KCTD8: variants seen among roughly 807,000 people sequenced by gnomAD.
KCTD8 encodes the protein potassium channel tetramerization domain containing 8, also known as BTB/POZ domain-containing protein KCTD8.
Under a neutral mutation model 31.5 loss-of-function variants are expected in KCTD8, and 27 were observed. The ratio of observed to expected loss-of-function variants is 0.86; its 90% confidence interval spans 0.63 to 1.18. The LOEUF (loss-of-function observed/expected upper bound fraction) is 1.18, where lower values mean the gene tolerates loss of function less well. Ranked by LOEUF, KCTD8 falls within the 50% of genes most tolerant of loss-of-function variation. The pLI, the probability that KCTD8 is intolerant of heterozygous loss-of-function variation, is 0.00. For synonymous variants in KCTD8, 290 were observed against 280.0 expected (o/e 1.04, Z -0.36); for missense variants, 658 against 647.7 (o/e 1.02, Z -0.17).
At position 44,293,734 on chromosome 4, in the gene KCTD8, G is replaced by A. The variant is rs553479851; in HGVS notation, c.962-118484C>T. ...ACCTTGTAAACACTGGCCAAAAAATGGAAAAAGTTGTTGAAAATATTGAAA... is the reference window on the plus strand; with the variant it reads ...ACCTTGTAAACACTGGCCAAAAAATAGAAAAAGTTGTTGAAAATATTGAAA... On this transcript the variant is annotated intron_variant, in intron 1 of 1. Coordinates refer to ENST00000360029, the MANE Select transcript of KCTD8 (RefSeq NM_198353.3). 11 of 433,922 alleles carry A rather than the reference G, an allele frequency of 2.5e-5. 1 individual carries two copies. The highest frequency in any genetic ancestry group is 1.5e-4 in the South Asian group (9 of 59,762). 26.9% of individuals were successfully genotyped at this position (433,922 alleles called of 1,614,324 possible).
At position 44,320,170 on chromosome 4, in the gene KCTD8, C is replaced by CAAAAAAAAAA. The variant is rs35250421; in HGVS notation, c.961+127383_961+127392dup. Among the ~76,000 whole-genome samples, 9 of 31,916 alleles carry CAAAAAAAAAA rather than the reference C, an allele frequency of 2.8e-4. 1 individual carries two copies. Among genetic ancestry groups the CAAAAAAAAAA allele is most frequent in the African/African-American group, 4.1e-4 (3 of 7,378 alleles). The allele number at this position is 31,916 out of a possible 152,430, so 20.9% of individuals were successfully genotyped here. A position where few individuals can be genotyped will look rare whatever the true frequency, so the allele number is the denominator to read the frequency against. ...TGGGTGACAGAGCAAGCCTCCATCT[C>CAAAAAAAAAA]AAAAAAAAAAAAAAAAAAAAAAAAA... On this transcript the variant is annotated intron_variant, in intron 1 of 1. Coordinates refer to ENST00000360029, the MANE Select transcript of KCTD8 (RefSeq NM_198353.3).
chr4:44,347,077 G>T (rs1033683687), intron 1 of KCTD8, among the ~76,000 whole-genome samples: 7 of 152,194 alleles, frequency 4.6e-5, no homozygotes, highest in South Asian at 2.1e-4. Context: ...ATGGTTGGGG[G>T]TGTAAGCAGA....
chr4:44,176,802 C>T (rs1040862273), intron 1 of KCTD8, among the ~76,000 whole-genome samples: 1 of 152,004 alleles, frequency 6.6e-6, no homozygotes, highest in Non-Finnish European at 1.5e-5. Context: ...CCTTGACTAA[C>T]CTGACTCCCC....
At chr4:44,277,428 A>T (rs1716782219) in intron 1 of KCTD8, among the ~76,000 whole-genome samples, 1 of 151,872 alleles carries the variant, frequency 6.6e-6, no homozygotes, top group African/African-American at 2.4e-5. Flanking sequence ...ACAGTACACT[A>T]ACAGTACACT....
At chr4:44,211,374 T>C (rs1714479658) in intron 1 of KCTD8, among the ~76,000 whole-genome samples, 1 of 152,220 alleles carries the variant, frequency 6.6e-6, no homozygotes, top group Non-Finnish European at 1.5e-5. Flanking sequence ...TACATAAACA[T>C]GAACACATAT....
At chr4:44,268,345 C>A (rs867084848) in intron 1 of KCTD8, among the ~76,000 whole-genome samples, 76 of 151,676 alleles carry the variant, frequency 5.0e-4, no homozygotes, top group Admixed American at 3.9e-3. Context: ...ATTCAACAAC[C>A]CTTCATGCTA....
chr4:44,358,804 C>A (rs1030638726), intron 1 of KCTD8, among the ~76,000 whole-genome samples: 1 of 152,128 alleles, frequency 6.6e-6, no homozygotes, highest in Admixed American at 6.5e-5. Context: ...CTCCTGACCT[C>A]ATGATCCACC....
chr4:44,408,323 A>C (rs1357887122), intron 1 of KCTD8, among the ~76,000 whole-genome samples: 2 of 152,186 alleles, frequency 1.3e-5, no homozygotes, highest in Non-Finnish European at 2.9e-5. Flanking sequence ...TAAAATTATC[A>C]CTTTGACTCA....
At chr4:44,344,417 C>T (rs1205565779) in intron 1 of KCTD8, among the ~76,000 whole-genome samples, 1 of 152,082 alleles carries the variant, frequency 6.6e-6, no homozygotes, top group Non-Finnish European at 1.5e-5. Flanking sequence ...AACTCCTGGC[C>T]TCAAGTAATC....
chr4:44,257,163 G>A (rs541640607), intron 1 of KCTD8, among the ~76,000 whole-genome samples: 40 of 151,804 alleles, frequency 2.6e-4, no homozygotes, highest in Non-Finnish European at 5.0e-4. Flanking sequence ...TTTGGGTTAT[G>A]GTTATATGAA....
intron 1 of KCTD8, among the ~76,000 whole-genome samples, chr4:44,246,655 C>T (rs1296527176): frequency 6.6e-6 from 1 of 151,958 alleles, no homozygotes; most frequent in Admixed American, 6.6e-5. Flanking sequence ...GCCATCAATC[C>T]TTGATGCCTT....
intron 1 of KCTD8, among the ~76,000 whole-genome samples, chr4:44,223,639 G>A (rs1714869115): frequency 6.6e-6 from 1 of 152,162 alleles, no homozygotes; most frequent in Non-Finnish European, 1.5e-5. Flanking sequence ...CAGAGTAAAA[G>A]GTATGTCAAT....
intron 1 of KCTD8, among the ~76,000 whole-genome samples, chr4:44,186,366 T>C (rs535908332): frequency 6.6e-6 from 1 of 152,322 alleles, no homozygotes; most frequent in East Asian, 1.9e-4. Context: ...TGCAGAGAGC[T>C]ACTTCCAACA....
At chr4:44,273,073 G>A (rs1716658045) in intron 1 of KCTD8, among the ~76,000 whole-genome samples, 1 of 151,712 alleles carries the variant, frequency 6.6e-6, no homozygotes, top group Non-Finnish European at 1.5e-5. Context: ...AAGAATAAAA[G>A]GTGAATCACA....
intron 1 of KCTD8, among the ~76,000 whole-genome samples, chr4:44,340,682 T>C (rs1718875413): frequency 6.6e-6 from 1 of 152,032 alleles, no homozygotes; most frequent in Middle Eastern, 3.2e-3. Flanking sequence ...TACTGAGCAA[T>C]AATAATAACT....
intron 1 of KCTD8, among the ~76,000 whole-genome samples, chr4:44,264,025 T>C (rs1330906645): frequency 1.3e-5 from 2 of 152,228 alleles, no homozygotes; most frequent in Non-Finnish European, 2.9e-5. Flanking sequence ...GTAAGTTATC[T>C]CCTTTTGCCT....
At chr4:44,395,948 A>G (rs1190696703) in intron 1 of KCTD8, among the ~76,000 whole-genome samples, 1 of 152,102 alleles carries the variant, frequency 6.6e-6, no homozygotes, top group African/African-American at 2.4e-5. Context: ...TGATTCAAGT[A>G]CATTAATTGT....
In KCTD8 at chr4:44,280,155, C is replaced by T. The variant is rs1021735417; in HGVS notation, c.962-104905G>A. Among the ~76,000 whole-genome samples the T allele has an allele frequency of 2.0e-5, 3 of 151,928 alleles. No individual in the cohort carries two copies. The East Asian group carries it at 5.8e-4, about 30-fold the overall frequency. ...TAGGGAAAAGCTTTCTCTTACCTTTCGAAGAACTAAGAAATTACAAAGAGC... is the reference window on the plus strand; with the variant it reads ...TAGGGAAAAGCTTTCTCTTACCTTTTGAAGAACTAAGAAATTACAAAGAGC... On this transcript the variant is annotated intron_variant, in intron 1 of 1. Transcript: ENST00000360029.
At chr4:44,292,023 CTCT>C (rs1717294408) in intron 1 of KCTD8, among the ~76,000 whole-genome samples, 1 of 148,544 alleles carries the variant, frequency 6.7e-6, no homozygotes. Flanking sequence ...CACTTATACA[CTCT>C]TGGTGGGAAT....
Sources: allele counts gnomAD v4.1 joint callset (sites outside exome capture counted in the v4.1 genomes callset), GRCh38; gene constraint gnomAD v4.1.1; transcripts MANE v1.5; gene names NCBI Gene and HGNC (gene_info 2026-07-23, HGNC 2026-07-21).